The following CDK5RAP1 variants were observed in gnomAD, a reference collection of about 807,000 sequenced individuals.
CDK5RAP1 encodes the protein CDK5RAP1 mitochondrial tRNA methylthiotransferase.
Under a neutral mutation model 64.5 loss-of-function variants are expected in CDK5RAP1, and 62 were observed. The ratio of observed to expected loss-of-function variants is 0.96; its 90% confidence interval spans 0.78 to 1.19. CDK5RAP1 has a LOEUF of 1.19. Among genes scored for constraint, CDK5RAP1 ranks in the 50% most tolerant of loss-of-function variants. The pLI is 0.00. For synonymous variants in CDK5RAP1, 250 were observed against 261.9 expected (o/e 0.95, Z 0.44); for missense variants, 657 against 735.0 (o/e 0.89, Z 1.23).
intron 8 of CDK5RAP1, among the ~76,000 whole-genome samples, chr20:33,374,706 G>A (rs1985705378): frequency 6.6e-6 from 1 of 151,894 alleles, no homozygotes; most frequent in African/African-American, 2.4e-5. Flanking sequence ...AGGGATTACA[G>A]GCACAAACCA....
Position 33,372,669 on chromosome 20 carries a change from C to G in CDK5RAP1, c.1234G>C (p.Val412Leu). The stretch of plus-strand genomic sequence containing the variant: ...GGAATAGATTCTCTAATATGGTGAA[C>G]TAACTCCACATAAGCTTCTCTTGAA... ...GYSREAYVEL[V>L]HHIRESIPGV... The change falls in exon 10 of 14, where the codon GTT becomes CTT. Residue 412 changes from valine (V) to leucine (L), a missense_variant. Physicochemically the swap from Val to Leu is conservative, Grantham distance 32. Transcript: ENST00000346416. 1 of 1,576,028 alleles carries G rather than the reference C, an allele frequency of 6.3e-7. No homozygotes were observed. The highest frequency in any genetic ancestry group is 8.6e-7 in the Non-Finnish European group (1 of 1,164,488).
At chr20:33,381,726 C>A (rs1376674129) in intron 7 of CDK5RAP1, among the ~76,000 whole-genome samples, 1 of 152,136 alleles carries the variant, frequency 6.6e-6, no homozygotes, top group African/African-American at 2.4e-5. Flanking sequence ...CCACGCCCAG[C>A]CCAAATAATG....
intron 5 of CDK5RAP1, among the ~76,000 whole-genome samples, chr20:33,390,665 T>G (rs1031871949): frequency 7.9e-5 from 12 of 152,180 alleles, no homozygotes; most frequent in African/African-American, 2.9e-4. Flanking sequence ...TTGGGATTTC[T>G]GAAATTCTTA....
chr20:33,370,396 A>G (rs1984780304), intron 11 of CDK5RAP1, 103 bp downstream of exon 11: 20 of 1,229,438 alleles, frequency 1.6e-5, no homozygotes, highest in Non-Finnish European at 2.2e-5. Flanking sequence ...GTGGTTTCTC[A>G]AGGACTGCCT....
At chr20:33,389,836 G>C (rs995307373) in intron 5 of CDK5RAP1, among the ~76,000 whole-genome samples, 16 of 152,134 alleles carry the variant, frequency 1.1e-4, no homozygotes, top group African/African-American at 3.9e-4. Flanking sequence ...GTAGACATAG[G>C]AGACTCCATT....
chr20:33,390,626 A>G (rs1057279458), intron 5 of CDK5RAP1, among the ~76,000 whole-genome samples: 2 of 152,304 alleles, frequency 1.3e-5, no homozygotes, highest in Admixed American at 1.3e-4. Context: ...AATTTCATAT[A>G]TATTTTACTA....
intron 8 of CDK5RAP1, among the ~76,000 whole-genome samples, chr20:33,378,086 T>C (rs1170103838): frequency 6.6e-6 from 1 of 152,238 alleles, no homozygotes; most frequent in Non-Finnish European, 1.5e-5. Flanking sequence ...ATAAGAGGCC[T>C]AGCTTTCAGC....
rs907790710 is a variant in CDK5RAP1, at chr20:33,372,634, A to C, written c.1261+8T>G. Reference sequence around the variant, plus strand: ...ACATGCTCAGCAGAATGAGTTTCTTAAATGTACCTGGAATAGATTCTCTAA... The same window carrying C: ...ACATGCTCAGCAGAATGAGTTTCTTCAATGTACCTGGAATAGATTCTCTAA... On this transcript the variant is annotated splice_region_variant and intron_variant, in intron 10 of 13. Coordinates refer to ENST00000346416, the MANE Select transcript of CDK5RAP1 (RefSeq NM_016408.4). 2 of 1,483,896 alleles carry C rather than the reference A, an allele frequency of 1.3e-6. No homozygotes were observed. Among genetic ancestry groups the C allele is most frequent in the Admixed American group, 2.4e-5 (1 of 41,648 alleles). 91.9% of individuals were successfully genotyped at this position (1,483,896 alleles called of 1,614,324 possible). A position where few individuals can be genotyped will look rare whatever the true frequency, so the allele number is the denominator to read the frequency against.
At position 33,367,024 on chromosome 20, in the gene CDK5RAP1, A is replaced by T; in HGVS notation, c.1393-16T>A. 1 of 1,597,612 alleles carries T rather than the reference A, an allele frequency of 6.3e-7. No homozygotes were observed. ...CCCGTGTCTTCTATTAAAAAAAAAA[A>T]AAAGAGAGAAGATGGAGGTCACCAA... On this transcript the variant is annotated splice_polypyrimidine_tract_variant and intron_variant, in intron 11 of 13. Transcript: ENST00000346416.
rs1159400472 is a variant in CDK5RAP1 at position 33,360,501 on chromosome 20, G to C, written c.1543-10C>G. ...CAGAGCGTTTACTGAGCTGCAGAAA[G>C]AAGAGAGAAGAGTTCGTGGATTTGT... On this transcript the variant is annotated splice_polypyrimidine_tract_variant and intron_variant, in intron 12 of 13. Coordinates refer to ENST00000346416, the MANE Select transcript of CDK5RAP1 (RefSeq NM_016408.4). The C allele has an allele frequency of 1.2e-6, 2 of 1,601,616 alleles. No homozygotes were observed. Among genetic ancestry groups the C allele is most frequent in the East Asian group, 2.2e-5 (1 of 44,776 alleles).
intron 1 of CDK5RAP1, among the ~76,000 whole-genome samples, chr20:33,400,007 A>G (rs1364671068): frequency 6.6e-6 from 1 of 152,058 alleles, no homozygotes; most frequent in Non-Finnish European, 1.5e-5. Flanking sequence ...TTGCGCCACC[A>G]CACTCCAGCC....
Position 33,360,331 on chromosome 20 carries a change from A to G in CDK5RAP1, c.1683+20T>C, listed in dbSNP as rs761235465. On this transcript the variant is annotated intron_variant, in intron 13 of 13. Transcript: ENST00000346416. ...CACTCATTTCACAGTGCAAGCCAAA[A>G]GCCCAAAAGGACTCCTCACCTTCAC... is the stretch of plus-strand genomic sequence containing the variant. 6.2e-7 allele frequency: 1 copy of G among 1,610,178 alleles called. No homozygotes were observed. Among genetic ancestry groups the G allele is most frequent in the Admixed American group, 1.7e-5 (1 of 58,714 alleles).
intron 8 of CDK5RAP1, among the ~76,000 whole-genome samples, chr20:33,375,918 A>G (rs1035038247): frequency 2.0e-5 from 3 of 152,170 alleles, no homozygotes; most frequent in South Asian, 2.1e-4. Flanking sequence ...CTAGAGTGCA[A>G]TGAAACTGTA....
chr20:33,378,369 G>T (rs945229067), intron 8 of CDK5RAP1, among the ~76,000 whole-genome samples: 13 of 152,140 alleles, frequency 8.5e-5, no homozygotes, highest in African/African-American at 3.1e-4. Flanking sequence ...GTGGCTCATG[G>T]TGTTCCGAAA....
chr20:33,398,923 C>G (rs1029203611), intron 1 of CDK5RAP1, among the ~76,000 whole-genome samples: 1 of 151,840 alleles, frequency 6.6e-6, no homozygotes, highest in Admixed American at 6.6e-5. Context: ...AAGACCCTAT[C>G]TCAAAAAAAT....
At chr20:33,361,313 G>A (rs774250697) in intron 12 of CDK5RAP1, among the ~76,000 whole-genome samples, 33 of 152,298 alleles carry the variant, frequency 2.2e-4, no homozygotes, top group Non-Finnish European at 3.7e-4. Flanking sequence ...GAAATAGTTA[G>A]AAACTGTGAA....
Position 33,395,086 on chromosome 20 carries a change from T to C in CDK5RAP1, c.335A>G (p.Asn112Ser). 1 of 1,613,636 alleles carries C rather than the reference T, an allele frequency of 6.2e-7. No individual in the cohort carries two copies. Among genetic ancestry groups the C allele is most frequent in the Non-Finnish European group, 8.5e-7 (1 of 1,179,576 alleles). ...VYLETYGCQM[N>S]VNDTEIAWSI... ...CCAGGCTATCTCTGTGTCATTCACA[T>C]TCATCTGGCAGCCATAGGTCTCGAG... The change falls in exon 3 of 14, where the codon AAT (asparagine) becomes AGT (serine). Residue 112 changes from asparagine to serine, a missense_variant. By Grantham distance (46) the Asn-to-Ser change is conservative. Coordinates refer to ENST00000346416, the MANE Select transcript of CDK5RAP1 (RefSeq NM_016408.4).
intron 5 of CDK5RAP1, among the ~76,000 whole-genome samples, chr20:33,388,299 AATTATGTT>A (rs1439055577): frequency 6.6e-6 from 1 of 152,188 alleles, no homozygotes; most frequent in East Asian, 1.9e-4. Flanking sequence ...TCCTTAAAAA[AATTATGTT>A]ATTAAAGTTA....
At chr20:33,363,674 G>A (rs1225227185) in intron 12 of CDK5RAP1, among the ~76,000 whole-genome samples, 1 of 152,138 alleles carries the variant, frequency 6.6e-6, no homozygotes, top group East Asian at 1.9e-4. Flanking sequence ...GAGGTAGGAG[G>A]ATTGCATGAG....
Sources: gnomAD v4.1 joint callset for allele counts (sites outside exome capture counted in the v4.1 genomes callset) on GRCh38, gnomAD v4.1.1 for gene constraint, MANE v1.5 for transcripts, NCBI Gene and HGNC (gene_info 2026-07-23, HGNC 2026-07-21) for gene names.